The following DAB1 variants were observed in gnomAD, a reference collection of about 807,000 sequenced individuals.
DAB1 encodes DAB adaptor protein 1, also known as disabled homolog 1.
DAB1 carries 15 observed loss-of-function variants against 64.6 expected under a neutral mutation model. The ratio of observed to expected loss-of-function variants is 0.23; its 90% CI spans 0.16 to 0.36. DAB1 has a LOEUF of 0.36. Ranked by LOEUF, DAB1 falls within the 10% of genes least tolerant of loss-of-function variation. DAB1 has a pLI of 1.00. For synonymous variants in DAB1, 235 were observed against 251.9 expected (o/e 0.93, Z 0.64); for missense variants, 596 against 706.7 (o/e 0.84, Z 1.78).
At chr1:58,323,253 A>C (rs2100487309) in intron 4 of DAB1, among the ~76,000 whole-genome samples, 1 of 151,200 alleles carries the variant, frequency 6.6e-6, no homozygotes, top group Non-Finnish European at 1.5e-5. Flanking sequence ...AATAATAATA[A>C]TAATAATAAT....
intron 3 of DAB1, among the ~76,000 whole-genome samples, chr1:58,404,724 C>A (rs1307174255): frequency 6.6e-6 from 1 of 152,154 alleles, no homozygotes; most frequent in Non-Finnish European, 1.5e-5. Flanking sequence ...ATGATGGGAG[C>A]AAATCACTAA....
intron 1 of DAB1, among the ~76,000 whole-genome samples, chr1:57,372,791 A>C (rs1185315014): frequency 6.6e-6 from 1 of 152,116 alleles, no homozygotes; most frequent in Non-Finnish European, 1.5e-5. Flanking sequence ...GTTTATACAC[A>C]TGGCCTTTAA....
rs2764662 is a variant in DAB1 at position 57,233,286 on chromosome 1, G to A, written c.67+57678C>T. Among the ~76,000 whole-genome samples, 50 of 93,892 alleles carry A rather than the reference G, an allele frequency of 5.3e-4. No individual in the cohort carries two copies. In the East Asian group the frequency reaches 0.019, roughly 35 times the overall value. 61.6% of individuals were successfully genotyped at this position (93,892 alleles called of 152,430 possible). A position where few individuals can be genotyped will look rare whatever the true frequency, so the allele number is the denominator to read the frequency against. On this transcript the variant is annotated intron_variant, in intron 2 of 14. Transcript: ENST00000371236. ...TTTTTTTTTTTTTTTTTTTTGAGAC[G>A]GAGTCTCGCTCTGTCGCCCAGGCTG... is the stretch of plus-strand genomic sequence containing the variant.
At chr1:58,275,092 T>G (rs146300948) in intron 4 of DAB1, among the ~76,000 whole-genome samples, 2 of 152,304 alleles carry the variant, frequency 1.3e-5, no homozygotes, top group Non-Finnish European at 2.9e-5. Context: ...AGGACAATCT[T>G]TTCCACCAAT....
At chr1:58,153,993 C>A (rs1655085511) in intron 4 of DAB1, among the ~76,000 whole-genome samples, 1 of 151,608 alleles carries the variant, frequency 6.6e-6, no homozygotes, top group South Asian at 2.1e-4. Context: ...TCTACCTTGG[C>A]AGCCTCATCT....
At chr1:58,107,809 G>GTTTT (rs1651752826) in intron 5 of DAB1, among the ~76,000 whole-genome samples, 1 of 151,828 alleles carries the variant, frequency 6.6e-6, no homozygotes, top group African/African-American at 2.4e-5. Flanking sequence ...TACAGCCGGG[G>GTTTT]TTTCTCCATG....
intron 4 of DAB1, among the ~76,000 whole-genome samples, chr1:58,322,494 C>T (rs7516451): frequency 0.074 from 11,304 of 152,280 alleles, 989 homozygotes; most frequent in East Asian, 0.24. Context: ...AAAAAATGCT[C>T]ATCATCACTG....
At chr1:57,778,492 C>A (rs1649918699) in intron 6 of DAB1, among the ~76,000 whole-genome samples, 1 of 151,904 alleles carries the variant, frequency 6.6e-6, no homozygotes, top group Non-Finnish European at 1.5e-5. Context: ...GTCTAGTGTT[C>A]AGTGTCTTAT....
chr1:58,051,895 G>GT (rs1270938439), intron 5 of DAB1, among the ~76,000 whole-genome samples: 1 of 152,058 alleles, frequency 6.6e-6, no homozygotes, highest in Non-Finnish European at 1.5e-5. Flanking sequence ...TGATGGGGTT[G>GT]TTTTTTTCTT....
intron 5 of DAB1, among the ~76,000 whole-genome samples, chr1:58,116,539 G>A (rs1391901376): frequency 1.3e-5 from 2 of 152,126 alleles, no homozygotes; most frequent in Non-Finnish European, 2.9e-5. Context: ...CTTCTTCAAT[G>A]TTTGCCATGT....
chr1:58,394,021 T>A (rs879634801), intron 3 of DAB1, among the ~76,000 whole-genome samples: 1 of 152,018 alleles, frequency 6.6e-6, no homozygotes, highest in African/African-American at 2.4e-5. Context: ...ATATAAAATT[T>A]AAAAAATATG....
intron 5 of DAB1, among the ~76,000 whole-genome samples, chr1:58,003,271 T>C (rs1027278616): frequency 1.3e-5 from 2 of 152,170 alleles, no homozygotes; most frequent in African/African-American, 4.8e-5. Context: ...TGTGCTCCTC[T>C]CCGCTTCAAT....
intron 6 of DAB1, among the ~76,000 whole-genome samples, chr1:57,735,810 TCCTC>T (rs944114416): frequency 6.6e-6 from 1 of 152,080 alleles, no homozygotes; most frequent in African/African-American, 2.4e-5. Context: ...TCATAATTCT[TCCTC>T]CCATCAGAAA....
chr1:58,010,324 C>T (rs1416869047), intron 5 of DAB1, among the ~76,000 whole-genome samples: 1 of 152,146 alleles, frequency 6.6e-6, no homozygotes, highest in Non-Finnish European at 1.5e-5. Context: ...TTTGCCTTCA[C>T]TCAAGAAAAA....
intron 4 of DAB1, among the ~76,000 whole-genome samples, chr1:58,288,030 A>AG (rs1661729379): frequency 7.0e-6 from 1 of 143,316 alleles, no homozygotes; most frequent in South Asian, 2.4e-4. Flanking sequence ...AAAAAAAAAA[A>AG]AAAAAAAAAA....
intron 10 of DAB1, among the ~76,000 whole-genome samples, chr1:57,025,642 C>T (rs1036378919): frequency 6.6e-5 from 10 of 152,168 alleles, no homozygotes; most frequent in African/African-American, 9.7e-5. Flanking sequence ...CCCAACCAGA[C>T]GATGTGCCCC....
chr1:57,717,070 C>G (rs1011274156), intron 6 of DAB1, among the ~76,000 whole-genome samples: 4 of 151,806 alleles, frequency 2.6e-5, no homozygotes, highest in African/African-American at 9.7e-5. Context: ...GAAACCCCAT[C>G]TCTACTAAAA....
chr1:57,471,568 A>C (rs910674753), intron 7 of DAB1, among the ~76,000 whole-genome samples: 2 of 152,166 alleles, frequency 1.3e-5, no homozygotes. Flanking sequence ...GGTCTTTTCC[A>C]TGCTGTTCTC....
chr1:58,040,720 AC>A (rs1197913119), intron 5 of DAB1, among the ~76,000 whole-genome samples: 4 of 152,232 alleles, frequency 2.6e-5, no homozygotes, highest in Non-Finnish European at 4.4e-5. Context: ...ATTTGAATGT[AC>A]AGAAACTGCA....
Sources: allele counts gnomAD v4.1 joint callset (sites outside exome capture counted in the v4.1 genomes callset), GRCh38; gene constraint gnomAD v4.1.1; transcripts MANE v1.5; gene names NCBI Gene and HGNC (gene_info 2026-07-23, HGNC 2026-07-21).